The following XRN1 variants were observed in gnomAD, a reference collection of about 807,000 sequenced individuals.
XRN1 encodes strand-exchange protein 1 homolog.
Under a neutral mutation model 222.3 loss-of-function variants are expected in XRN1, and 67 were observed. That is an observed-to-expected ratio of 0.30 (90% CI 0.25 to 0.37). The LOEUF is 0.37. XRN1 is among the 10% of genes least tolerant of loss of function. The pLI is 1.00. For synonymous variants in XRN1, 643 were observed against 652.4 expected, an observed-to-expected ratio of 0.99 and a Z score of 0.22; for missense variants, 1,707 against 2,000.2, an observed-to-expected ratio of 0.85 and a Z score of 2.80.
At chr3:142,341,853 A>G (rs1249304743) in intron 33 of XRN1, among the ~76,000 whole-genome samples, 5 of 152,242 alleles carry the variant, frequency 3.3e-5, no homozygotes, top group African/African-American at 1.2e-4. Flanking sequence ...AAAGAGGTCA[A>G]TTCAGCAAGA....
At chr3:142,347,198 G>A in intron 33 of XRN1, 36 bp downstream of exon 33, 1 of 1,320,756 alleles carries the variant, frequency 7.6e-7, no homozygotes, top group African/African-American at 1.5e-5. Context: ...AAAAGAAGCA[G>A]CACACACAAG....
rs889830357 is a variant in XRN1 at position 142,308,090 on chromosome 3, CTCTA to C, written c.*3417_*3420del. ...CTAACTTGAGTGAAGATCTGCACAG[CTCTA>C]TCTCATATAATAAAAGTAAAAATTA... On this transcript the variant is annotated 3_prime_UTR_variant, in exon 41 of 41. Transcript: ENST00000392981. The C allele has an allele frequency of 2.2e-4, 34 of 152,054 alleles. No individual in the cohort carries two copies. The highest frequency in any genetic ancestry group is 7.2e-4 in the African/African-American group (30 of 41,398). The allele number at this position is 152,054 out of a possible 1,614,324, so 9.4% of individuals were successfully genotyped here.
chr3:142,417,232 G>A lies in XRN1; in HGVS notation c.1347-3C>T. On this transcript the variant is annotated splice_region_variant and splice_polypyrimidine_tract_variant and intron_variant, in intron 12 of 40. Transcript: ENST00000392981. ...CAGCTTGATCAGCCAGAAAGTCACT[G>A]AAAATAGAATATTTTCATTATAACA... 2 of 1,612,420 alleles carry A rather than the reference G, an allele frequency of 1.2e-6. No individual in the cohort carries two copies. Among genetic ancestry groups the A allele is most frequent in the Non-Finnish European group, 1.7e-6 (2 of 1,179,122 alleles).
intron 33 of XRN1, among the ~76,000 whole-genome samples, chr3:142,336,063 A>T (rs2065843971): frequency 6.6e-6 from 1 of 152,198 alleles, no homozygotes; most frequent in African/African-American, 2.4e-5. Flanking sequence ...CTATTTTAAT[A>T]GTTCTGTTAA....
chr3:142,402,060 A>C (rs1478451896), intron 18 of XRN1, among the ~76,000 whole-genome samples: 1 of 152,150 alleles, frequency 6.6e-6, no homozygotes, highest in African/African-American at 2.4e-5. Context: ...ATGAACACTC[A>C]ATGCACCTTG....
intron 16 of XRN1, 105 bp downstream of exon 16, chr3:142,404,802 T>C (rs1437773001): frequency 2.8e-6 from 3 of 1,058,272 alleles, no homozygotes; most frequent in South Asian, 1.4e-5. Context: ...CATAAACTAT[T>C]TGCTAATTCT....
Position 142,423,646 on chromosome 3 carries a change from T to C in XRN1, c.628-4A>G. 1 of 1,561,572 alleles carries C rather than the reference T, an allele frequency of 6.4e-7. No individual in the cohort carries two copies. The highest frequency in any genetic ancestry group is 8.6e-7 in the Non-Finnish European group (1 of 1,158,996). ...GACTTGTTAATCCAAGCATAATCTGTTGAAAAATGATTAAGAAATGTTTTT... is the reference window on the plus strand; with the variant it reads ...GACTTGTTAATCCAAGCATAATCTGCTGAAAAATGATTAAGAAATGTTTTT... On this transcript the variant is annotated splice_polypyrimidine_tract_variant and splice_region_variant and intron_variant, in intron 5 of 40. Transcript: ENST00000392981.
At chr3:142,374,778 T>C (rs1203306854) in intron 25 of XRN1, among the ~76,000 whole-genome samples, 1 of 152,116 alleles carries the variant, frequency 6.6e-6, no homozygotes. Context: ...CAGATGGTAA[T>C]ATGGGATTGA....
intron 33 of XRN1, among the ~76,000 whole-genome samples, chr3:142,336,186 GATT>G (rs2065846906): frequency 6.6e-6 from 1 of 152,064 alleles, no homozygotes; most frequent in Non-Finnish European, 1.5e-5. Context: ...GAATTTGAGA[GATT>G]ATTTTCATAG....
At position 142,352,798 on chromosome 3, in the gene XRN1, G is replaced by A. The variant is rs188437766; in HGVS notation, c.3768+2603C>T. ...GGGACTACACATGTGTGCCACCACA[G>A]CACCTGATTGATTTTTTGTATTGTT... On this transcript the variant is annotated intron_variant, in intron 32 of 40. Coordinates refer to ENST00000392981, the MANE Select transcript of XRN1 (RefSeq NM_001282857.2). 4.8e-4 allele frequency among the ~76,000 whole-genome samples: 73 copies of A among 152,160 alleles called. 1 individual carries two copies. Among genetic ancestry groups the A allele is most frequent in the African/African-American group, 1.7e-3 (69 of 41,534 alleles).
At chr3:142,372,554 A>G (rs543546149) in intron 25 of XRN1, among the ~76,000 whole-genome samples, 2 of 152,308 alleles carry the variant, frequency 1.3e-5, no homozygotes, top group African/African-American at 4.8e-5. Context: ...CTGGGTTTCT[A>G]TACCTCCTTA....
intron 32 of XRN1, among the ~76,000 whole-genome samples, chr3:142,349,332 C>T (rs901391460): frequency 1.3e-5 from 2 of 152,128 alleles, no homozygotes; most frequent in Admixed American, 6.6e-5. Flanking sequence ...CTTTGGACTA[C>T]AGCAGTACAT....
intron 13 of XRN1, 59 bp downstream of exon 13, chr3:142,417,081 T>A: frequency 1.6e-6 from 2 of 1,236,742 alleles, no homozygotes; most frequent in Non-Finnish European, 2.3e-6. Context: ...TAAATAAGAC[T>A]CTAGTAGAAT....
chr3:142,403,609 T>A (rs2306699), intron 18 of XRN1, 65 bp downstream of exon 18: 583,546 of 1,456,294 alleles, frequency 0.4, 118,419 homozygotes, highest in Middle Eastern at 0.42. Flanking sequence ...CTGGTAAACA[T>A]CCCAGCAGCT....
In XRN1 at chr3:142,335,404, A is replaced by G. The variant is rs752151564; in HGVS notation, c.3939+44T>C. 1.8e-5 allele frequency: 28 copies of G among 1,562,780 alleles called. No homozygotes were observed. In the South Asian group the frequency reaches 2.9e-4, roughly 16 times the overall value. On this transcript the variant is annotated intron_variant, in intron 34 of 40. Coordinates refer to ENST00000392981, the MANE Select transcript of XRN1 (RefSeq NM_001282857.2). Reference sequence around the variant, plus strand: ...CCAATGCTACAGAGCCACCAATTGCATTAAAAAATTGGTAACTAGAAATTT... The same window carrying G: ...CCAATGCTACAGAGCCACCAATTGCGTTAAAAAATTGGTAACTAGAAATTT...
At position 142,310,569 on chromosome 3, in the gene XRN1, AAAC is replaced by A. The variant is rs1203974168; in HGVS notation, c.*939_*941del. ...TATATTGTAGCACACCTTGGAACTT[AAAC>A]AACAATTAGAATTTCTTCAGTCCCA... is the stretch of plus-strand genomic sequence containing the variant. On this transcript the variant is annotated 3_prime_UTR_variant, in exon 41 of 41. Coordinates refer to ENST00000392981, the MANE Select transcript of XRN1 (RefSeq NM_001282857.2). The A allele has an allele frequency of 1.3e-5, 2 of 152,650 alleles. No individual in the cohort carries two copies. Among genetic ancestry groups the A allele is most frequent in the Non-Finnish European group, 2.9e-5 (2 of 68,032 alleles). The allele number at this position is 152,650 out of a possible 1,614,324, so 9.5% of individuals were successfully genotyped here.
chr3:142,367,620 A>G (rs2066859780), intron 27 of XRN1, among the ~76,000 whole-genome samples: 1 of 151,914 alleles, frequency 6.6e-6, no homozygotes, highest in South Asian at 2.1e-4. Flanking sequence ...ATCATAGCTC[A>G]CTGCAGCCTC....
intron 20 of XRN1, among the ~76,000 whole-genome samples, chr3:142,388,576 T>A (rs2067597013): frequency 6.6e-6 from 1 of 152,218 alleles, no homozygotes; most frequent in Non-Finnish European, 1.5e-5. Flanking sequence ...GTGGAGGGTC[T>A]CACCTTGATA....
chr3:142,419,829 C>CT (rs1159048615), intron 10 of XRN1, among the ~76,000 whole-genome samples: 2 of 151,432 alleles, frequency 1.3e-5, no homozygotes, highest in Non-Finnish European at 2.9e-5. Context: ...AAAAGAAACT[C>CT]AGCAGAATCC....
Sources: gnomAD v4.1 joint callset for allele counts (sites outside exome capture counted in the v4.1 genomes callset) on GRCh38, gnomAD v4.1.1 for gene constraint, MANE v1.5 for transcripts, NCBI Gene and HGNC (gene_info 2026-07-23, HGNC 2026-07-21) for gene names.